ACTR3C: variants seen among roughly 807,000 people sequenced by gnomAD.
ACTR3C encodes the protein actin-related protein 3C.
ACTR3C carries 18 observed loss-of-function variants against 26.3 expected under a neutral mutation model. That is an observed-to-expected ratio of 0.68 (90% CI 0.47 to 1.01). ACTR3C has a LOEUF of 1.01. Ranked by LOEUF, ACTR3C falls within the 50% of genes least tolerant of loss-of-function variation. The probability of loss-of-function intolerance (pLI) is 0.00; values close to 1 mark genes in which losing one functional copy is unlikely to be tolerated. For synonymous variants in ACTR3C, 55 were observed against 94.5 expected (o/e 0.58, Z 2.42); for missense variants, 184 against 250.7 (o/e 0.73, Z 1.80).
chr7:150,133,889 C>T, the ACTR3C span, among the ~76,000 whole-genome samples: 1 of 152,128 alleles, frequency 6.6e-6, no homozygotes, highest in Non-Finnish European at 1.5e-5. Context: ...AGGCAGATGA[C>T]ACTAAGCTCA....
chr7:150,166,698 A>G, the ACTR3C span, among the ~76,000 whole-genome samples: 1 of 136,142 alleles, frequency 7.3e-6, no homozygotes, highest in South Asian at 2.4e-4. Context: ...GATTCCATTA[A>G]AAAAAAAAAA....
chr7:150,120,379 C>A, the ACTR3C span, among the ~76,000 whole-genome samples: 1 of 151,960 alleles, frequency 6.6e-6, no homozygotes, highest in South Asian at 2.1e-4. Flanking sequence ...CAAATAGACA[C>A]AATAAAAAAT....
chr7:150,229,651 A>ATTTT, the ACTR3C span, among the ~76,000 whole-genome samples: 594 of 134,276 alleles, frequency 4.4e-3, 4 homozygotes, highest in African/African-American at 0.016. Flanking sequence ...CACACAGCTA[A>ATTTT]TTTTTTTTTT....
chr7:150,214,591 CAT>C, the ACTR3C span, among the ~76,000 whole-genome samples: 1 of 151,864 alleles, frequency 6.6e-6, no homozygotes, highest in East Asian at 1.9e-4. Context: ...CTGTATAAAA[CAT>C]ACATAATTGT....
chr7:150,066,689 C>T, the ACTR3C span, among the ~76,000 whole-genome samples: 3 of 152,214 alleles, frequency 2.0e-5, no homozygotes, highest in African/African-American at 7.2e-5. Flanking sequence ...GAGCCTTCCA[C>T]CAATGTCACC....
chr7:150,035,534 C>G, the ACTR3C span, among the ~76,000 whole-genome samples: 3 of 126,804 alleles, frequency 2.4e-5, 1 homozygote, highest in Admixed American at 7.2e-5. Flanking sequence ...TGGGGGGTGC[C>G]TCCCCCTCCT....
chr7:149,969,254 C>A, the ACTR3C span, among the ~76,000 whole-genome samples: 1 of 138,016 alleles, frequency 7.2e-6, no homozygotes. Flanking sequence ...GATTCCTTCC[C>A]ATCCTCAGAA....
intron 4 of ACTR3C, among the ~76,000 whole-genome samples, chr7:150,287,182 G>A (rs1285226532): frequency 6.6e-6 from 1 of 151,538 alleles, no homozygotes; most frequent in Non-Finnish European, 1.5e-5. Context: ...TTATTGTCTA[G>A]GCACTTGGGA....
At chr7:150,040,350 G>A in the ACTR3C span, among the ~76,000 whole-genome samples, 1 of 148,070 alleles carries the variant, frequency 6.8e-6, no homozygotes, top group East Asian at 2.0e-4. Flanking sequence ...AATGGAAAAG[G>A]CTTTGTCAGA....
intron 6 of ACTR3C, among the ~76,000 whole-genome samples, chr7:150,256,428 A>G (rs1833227150): frequency 6.6e-6 from 1 of 152,262 alleles, no homozygotes; most frequent in Admixed American, 6.5e-5. Context: ...AACCTCGCCA[A>G]TATCTGTTGT....
chr7:150,129,105 G>A, the ACTR3C span, among the ~76,000 whole-genome samples: 1 of 151,482 alleles, frequency 6.6e-6, no homozygotes, highest in African/African-American at 2.4e-5. Context: ...ATACTTATCT[G>A]TGTAAAAATG....
chr7:150,133,137 G>A, the ACTR3C span, among the ~76,000 whole-genome samples: 8 of 152,104 alleles, frequency 5.3e-5, no homozygotes, highest in Non-Finnish European at 1.0e-4. Context: ...ACCACCAACA[G>A]TGTATCACAG....
chr7:150,209,411 C>T, the ACTR3C span, among the ~76,000 whole-genome samples: 3 of 151,336 alleles, frequency 2.0e-5, no homozygotes, highest in East Asian at 3.8e-4. Context: ...CTCATAGATA[C>T]TTAAAAAGCA....
At chr7:150,189,289 C>T in the ACTR3C span, among the ~76,000 whole-genome samples, 2 of 152,144 alleles carry the variant, frequency 1.3e-5, no homozygotes, top group African/African-American at 4.8e-5. Flanking sequence ...TTTAAAGTAA[C>T]TGGTTTGTTC....
chr7:150,250,087 G>A, intron 6 of ACTR3C, among the ~76,000 whole-genome samples: 1 of 152,048 alleles, frequency 6.6e-6, no homozygotes, highest in Non-Finnish European at 1.5e-5. Context: ...GAGGAAATGG[G>A]GTAGATTATG....
the ACTR3C span, among the ~76,000 whole-genome samples, chr7:150,021,870 T>C: frequency 5.9e-5 from 9 of 151,752 alleles, no homozygotes; most frequent in African/African-American, 1.9e-4. Context: ...TACTCCTTGG[T>C]TGATGAACAT....
Position 150,286,335 on chromosome 7 carries a change from C to T in ACTR3C, c.471+32G>A, listed in dbSNP as rs776527336. On this transcript the variant is annotated intron_variant, in intron 5 of 7. Coordinates refer to ENST00000683684, the MANE Select transcript of ACTR3C (RefSeq NM_001164458.2). The stretch of plus-strand genomic sequence containing the variant: ...TGGGTGGCAGTATCGCTCCATCCCA[C>T]ACTTGAGCACACAAAAAAAGAAACA... 4 of 1,608,528 alleles carry T rather than the reference C, an allele frequency of 2.5e-6. No homozygotes were observed. The South Asian group carries it at 3.3e-5, about 13-fold the overall frequency.
chr7:150,064,305 A>G, the ACTR3C span, among the ~76,000 whole-genome samples: 1 of 148,042 alleles, frequency 6.8e-6, no homozygotes, highest in Non-Finnish European at 1.5e-5. Flanking sequence ...CTGTAATCCC[A>G]GCACTTTGGG....
the ACTR3C span, among the ~76,000 whole-genome samples, chr7:150,042,785 G>A: frequency 9.2e-5 from 14 of 151,600 alleles, no homozygotes; most frequent in Admixed American, 5.2e-4. Flanking sequence ...GTTTAGAGAC[G>A]TAGGCTACCG....
Sources: gnomAD v4.1 joint callset for allele counts (sites outside exome capture counted in the v4.1 genomes callset) on GRCh38, gnomAD v4.1.1 for gene constraint, MANE v1.5 for transcripts, NCBI Gene and HGNC (gene_info 2026-07-23, HGNC 2026-07-21) for gene names.